The following SEMA3D variants were observed in gnomAD, a reference collection of about 807,000 sequenced individuals.
The protein encoded by SEMA3D is semaphorin-3D.
In SEMA3D, 84 loss-of-function variants were observed where a neutral mutation model predicts 100.1. That is an observed-to-expected ratio of 0.84 (90% confidence interval 0.70 to 1.01). The LOEUF (loss-of-function observed/expected upper bound fraction) is 1.01. Ranked by LOEUF, SEMA3D falls within the 50% of genes least tolerant of loss-of-function variation. SEMA3D has a pLI of 0.00. For missense variants in SEMA3D, 875 were observed against 934.1 expected (o/e 0.94, Z 0.82); for synonymous variants, 312 against 320.7 (o/e 0.97, Z 0.29).
chr7:85,234,056 A>T, the SEMA3D span, among the ~76,000 whole-genome samples: 1 of 152,180 alleles, frequency 6.6e-6, no homozygotes, highest in Non-Finnish European at 1.5e-5. Flanking sequence ...CTTGACTTTT[A>T]AGGTTACAAA....
At chr7:85,215,680 A>G in the SEMA3D span, among the ~76,000 whole-genome samples, 810 of 152,294 alleles carry the variant, frequency 5.3e-3, 6 homozygotes, top group African/African-American at 0.019. Context: ...GGAAAAAATT[A>G]AATATACATT....
chr7:85,102,072 A>G (rs773597814), intron 3 of SEMA3D, among the ~76,000 whole-genome samples: 22 of 152,074 alleles, frequency 1.4e-4, no homozygotes, highest in Non-Finnish European at 2.8e-4. Context: ...TCAGTGTGGA[A>G]CCAGTTATGT....
At chr7:85,141,088 T>C (rs1287699414) in intron 2 of SEMA3D, 24 of 954,708 alleles carry the variant, frequency 2.5e-5, no homozygotes, top group Non-Finnish European at 3.0e-5. Flanking sequence ...TCAGTTCACA[T>C]TAAAAATTTC....
intron 18 of SEMA3D, among the ~76,000 whole-genome samples, chr7:85,000,161 CTG>C (rs1166767089): frequency 2.6e-5 from 4 of 151,994 alleles, no homozygotes; most frequent in African/African-American, 4.8e-5. Context: ...GAATGAAAAA[CTG>C]TGAAAAGTAA....
rs1026462524 is a variant in SEMA3D, at chr7:84,997,293, C to T, written c.*2147G>A. ...ATATTTTGATCATTACTGTCGGACC[C>T]ACAAATATTTGGAAATTTTTTTTAA... On this transcript the variant is annotated 3_prime_UTR_variant, in exon 19 of 19. Transcript: ENST00000284136. 1 of 152,008 alleles carries T rather than the reference C, an allele frequency of 6.6e-6. No individual in the cohort carries two copies. Among genetic ancestry groups the T allele is most frequent in the Non-Finnish European group, 1.5e-5 (1 of 67,932 alleles). 9.4% of individuals were successfully genotyped at this position (152,008 alleles called of 1,614,324 possible).
intron 5 of SEMA3D, among the ~76,000 whole-genome samples, chr7:85,081,236 ATACTT>A (rs768182336): frequency 5.3e-5 from 8 of 152,190 alleles, no homozygotes; most frequent in Non-Finnish European, 7.4e-5. Flanking sequence ...TTATTTTTGA[ATACTT>A]TAATGTGTTT....
chr7:85,142,406 C>G (rs944619191), intron 2 of SEMA3D: 9 of 907,906 alleles, frequency 9.9e-6, no homozygotes, highest in Non-Finnish European at 1.1e-5. Context: ...ATTTAAAACT[C>G]AATAATAAAA....
At chr7:85,094,952 A>G (rs1043088888) in intron 4 of SEMA3D, among the ~76,000 whole-genome samples, 127 of 152,072 alleles carry the variant, frequency 8.4e-4, no homozygotes, top group African/African-American at 2.9e-3. Context: ...AAAAAAGACA[A>G]AAGGTCATAA....
chr7:85,113,793 A>G (rs1473542577), intron 3 of SEMA3D, among the ~76,000 whole-genome samples: 2 of 151,742 alleles, frequency 1.3e-5, no homozygotes, highest in Non-Finnish European at 2.9e-5. Context: ...AAAGAAAGAA[A>G]GAGAAAAAAG....
At chr7:85,215,728 A>G in the SEMA3D span, among the ~76,000 whole-genome samples, 1 of 152,196 alleles carries the variant, frequency 6.6e-6, no homozygotes, top group Non-Finnish European at 1.5e-5. Context: ...TAAACTTACT[A>G]CATGTAAATA....
chr7:85,190,083 A>G (rs1022363209), upstream of SEMA3D, among the ~76,000 whole-genome samples: 180 of 152,106 alleles, frequency 1.2e-3, 1 homozygote, highest in Non-Finnish European at 2.8e-4. Flanking sequence ...CAGAGCTTAA[A>G]TCTAGCAGAA....
chr7:85,194,425 C>T, the SEMA3D span, among the ~76,000 whole-genome samples: 2 of 152,006 alleles, frequency 1.3e-5, no homozygotes, highest in African/African-American at 4.8e-5. Context: ...TGTTGGATTT[C>T]GTCTAATCCA....
intron 2 of SEMA3D, among the ~76,000 whole-genome samples, chr7:85,144,890 A>G (rs1790158760): frequency 6.6e-6 from 1 of 152,174 alleles, no homozygotes; most frequent in Non-Finnish European, 1.5e-5. Flanking sequence ...CACTGTATTT[A>G]TCTAAGGAGA....
At chr7:85,225,147 T>C in the SEMA3D span, among the ~76,000 whole-genome samples, 2 of 134,652 alleles carry the variant, frequency 1.5e-5, no homozygotes, top group African/African-American at 5.5e-5. Flanking sequence ...ATATATAAAA[T>C]ACATATATAT....
chr7:85,196,149 C>A, the SEMA3D span, among the ~76,000 whole-genome samples: 5 of 152,146 alleles, frequency 3.3e-5, no homozygotes, highest in African/African-American at 1.2e-4. Context: ...GCTTTTTCCC[C>A]CGCAACATTT....
Position 84,999,774 on chromosome 7 carries a change from G to A in SEMA3D, c.2000C>T (p.Ala667Val). Residue 667 changes from alanine to valine, a missense_variant, in exon 19 of 19, where the codon GCC becomes GTC. Coordinates refer to ENST00000284136, the MANE Select transcript of SEMA3D (RefSeq NM_001384900.1). ...KKDSGMYYCK[A>V]QEHTFIHTIV... is the part of the protein sequence containing the mutation. ...GGTGTGGATGAAAGTGTGCTCCTGGGCTTTGCAGTAATACATCCCAGAATC... is the reference window on the plus strand; with the variant it reads ...GGTGTGGATGAAAGTGTGCTCCTGGACTTTGCAGTAATACATCCCAGAATC... 6.2e-7 allele frequency: 1 copy of A among 1,613,924 alleles called. No individual in the cohort carries two copies. Among genetic ancestry groups the A allele is most frequent in the Non-Finnish European group, 8.5e-7 (1 of 1,179,970 alleles).
At chr7:85,187,840 G>A (rs1291051008), upstream of SEMA3D, among the ~76,000 whole-genome samples, 1 of 152,146 alleles carries the variant, frequency 6.6e-6, no homozygotes, top group Non-Finnish European at 1.5e-5. Context: ...CCACCGTCAG[G>A]GACATTAAAA....
intron 12 of SEMA3D, chr7:85,029,523 G>A (rs185096007): frequency 6.6e-6 from 4 of 604,310 alleles, no homozygotes; most frequent in South Asian, 3.3e-5. Context: ...CTGCAGAGAA[G>A]GAAGAATTTG....
At chr7:85,210,998 C>A in the SEMA3D span, among the ~76,000 whole-genome samples, 1 of 151,974 alleles carries the variant, frequency 6.6e-6, no homozygotes, top group Non-Finnish European at 1.5e-5. Flanking sequence ...AAATAAAAAT[C>A]ATCTTTCACT....
Sources: gnomAD v4.1 joint callset for allele counts (sites outside exome capture counted in the v4.1 genomes callset) on GRCh38, gnomAD v4.1.1 for gene constraint, MANE v1.5 for transcripts, NCBI Gene and HGNC (gene_info 2026-07-23, HGNC 2026-07-21) for gene names.